The following DTX1 variants were observed in gnomAD, a reference collection of about 807,000 sequenced individuals.
The protein encoded by DTX1 is E3 ubiquitin-protein ligase DTX1.
Under a neutral mutation model 57.8 loss-of-function variants are expected in DTX1, and 26 were observed. That is an observed-to-expected ratio of 0.45 (90% confidence interval 0.33 to 0.62). DTX1 has a LOEUF of 0.62. Among genes scored for constraint, DTX1 ranks in the 20% least tolerant of loss-of-function variants. DTX1 has a pLI of 0.02. For missense variants in DTX1, 704 were observed against 895.3 expected (o/e 0.79, Z 2.73); for synonymous variants, 398 against 394.1 (o/e 1.01, Z -0.12).
chr12:113,083,554 G>A (rs989928683), intron 3 of DTX1, among the ~76,000 whole-genome samples: 4 of 152,230 alleles, frequency 2.6e-5, no homozygotes, highest in Non-Finnish European at 5.9e-5. Flanking sequence ...TCGAACTCCT[G>A]ACCTCAAGTG....
At position 113,077,753 on chromosome 12, in the gene DTX1, G is replaced by A; in HGVS notation, c.589G>A (p.Gly197Ser). The A allele has an allele frequency of 6.5e-7, 1 of 1,530,616 alleles. No individual in the cohort carries two copies. The highest frequency in any genetic ancestry group is 1.4e-5 in the African/African-American group (1 of 72,676). The allele number at this position is 1,530,616 out of a possible 1,614,324, so 94.8% of individuals were successfully genotyped here. ...SQSWPVGASS[G>S]QPCSCQQCLL... is the part of the protein sequence containing the mutation. Reference sequence around the variant, plus strand: ...GTCGTGGCCCGTGGGCGCCAGCTCGGGCCAGCCCTGCTCCTGCCAGCAGTG... The same window carrying A: ...GTCGTGGCCCGTGGGCGCCAGCTCGAGCCAGCCCTGCTCCTGCCAGCAGTG... Residue 197 changes from glycine (G) to serine (S), a missense_variant, in exon 3 of 10, where the codon GGC becomes AGC. Around this residue, in one of 3 missense-constraint regions of DTX1, gnomAD observed 237 missense variants for 328.6 expected, o/e 0.72. Coordinates refer to ENST00000548759, the MANE Select transcript of DTX1 (RefSeq NM_004416.3). This position sits in a 1 kb window ranked among gnomAD's most constrained non-coding sequence, Gnocchi z 7.8.
In DTX1 at chr12:113,071,806, C is replaced by T. The variant is rs112426107; in HGVS notation, c.260-5618C>T. On this transcript the variant is annotated intron_variant, in intron 2 of 9. Transcript: ENST00000548759. ...GGCAGGCGGGCAGCGGCGGGCGCTG[C>T]GGGGTGCAGGGCCCAGCGGGGAGGA... Among the ~76,000 whole-genome samples the T allele has an allele frequency of 9.9e-3, 1,501 of 152,362 alleles. 9 individuals carry two copies. The highest frequency in any genetic ancestry group is 0.013 in the Non-Finnish European group (879 of 68,030).
chr12:113,060,677 G>A (rs1357763975), intron 2 of DTX1, among the ~76,000 whole-genome samples: 2 of 152,236 alleles, frequency 1.3e-5, no homozygotes, highest in Non-Finnish European at 2.9e-5. Flanking sequence ...GATCCAGAGA[G>A]TAGAAGTCAT....
At chr12:113,066,416 T>C (rs2044703766) in intron 2 of DTX1, among the ~76,000 whole-genome samples, 1 of 151,690 alleles carries the variant, frequency 6.6e-6, no homozygotes, top group African/African-American at 2.4e-5. Context: ...TAATCCCAGC[T>C]ACTCGGGAGG....
At chr12:113,071,481 A>ACAG (rs1297334298) in intron 2 of DTX1, among the ~76,000 whole-genome samples, 1 of 152,202 alleles carries the variant, frequency 6.6e-6, no homozygotes, top group Non-Finnish European at 1.5e-5. Context: ...TGCCTGGGGG[A>ACAG]CGCAGACCCT....
At position 113,097,046 on chromosome 12, in the gene DTX1, C is replaced by A. The variant is rs901682405; in HGVS notation, c.*107C>A. The A allele has an allele frequency of 8.0e-7, 1 of 1,254,816 alleles. No homozygotes were observed. Among genetic ancestry groups the A allele is most frequent in the Non-Finnish European group, 1.1e-6 (1 of 926,396 alleles). 77.7% of individuals were successfully genotyped at this position (1,254,816 alleles called of 1,614,324 possible). On this transcript the variant is annotated 3_prime_UTR_variant, in exon 10 of 10. Transcript: ENST00000548759. ...AGGTTCAGGGCTGGGGAGGAGCCTG[C>A]GGAAGGGGCCGCAGCCATTCAGGGG...
intron 2 of DTX1, among the ~76,000 whole-genome samples, chr12:113,065,646 G>A (rs925569641): frequency 1.3e-5 from 2 of 152,296 alleles, no homozygotes; most frequent in African/African-American, 4.8e-5. Flanking sequence ...TGGGAAGCGT[G>A]GGGGCTGGAG....
At position 113,097,557 on chromosome 12, in the gene DTX1, C is replaced by G. The variant is rs1021096767; in HGVS notation, c.*618C>G. 9.8e-5 allele frequency: 15 copies of G among 152,340 alleles called. No individual in the cohort carries two copies. Among genetic ancestry groups the G allele is most frequent in the African/African-American group, 3.6e-4 (15 of 41,428 alleles). The allele number at this position is 152,340 out of a possible 1,614,324, so 9.4% of individuals were successfully genotyped here. ...CAGTTCTACAAAAGAATGGCCAGCACGAGCGGGGACTAGAGGGTCCTGATT... is the reference window on the plus strand; with the variant it reads ...CAGTTCTACAAAAGAATGGCCAGCAGGAGCGGGGACTAGAGGGTCCTGATT... On this transcript the variant is annotated 3_prime_UTR_variant, in exon 10 of 10. Transcript: ENST00000548759.
chr12:113,060,325 A>G (rs989233419), intron 2 of DTX1, among the ~76,000 whole-genome samples: 4 of 152,144 alleles, frequency 2.6e-5, no homozygotes, highest in African/African-American at 9.7e-5. Context: ...GAGGACCTAC[A>G]CTGAAGGTCC....
chr12:113,079,554 G>A (rs1288767690), intron 3 of DTX1, among the ~76,000 whole-genome samples: 1 of 101,768 alleles, frequency 9.8e-6, no homozygotes, highest in Admixed American at 1.5e-4. Flanking sequence ...TTGAGATACA[G>A]TTTCACTCTG....
At chr12:113,073,010 C>A (rs1258562505) in intron 2 of DTX1, among the ~76,000 whole-genome samples, 1 of 152,024 alleles carries the variant, frequency 6.6e-6, no homozygotes, top group Non-Finnish European at 1.5e-5. Context: ...CCTGGCTCGA[C>A]CCGAGAGACT....
chr12:113,061,872 A>AT (rs113289700), intron 2 of DTX1, among the ~76,000 whole-genome samples: 11,016 of 151,726 alleles, frequency 0.073, 699 homozygotes, highest in African/African-American at 0.17. Context: ...CACCCGGCTA[A>AT]TTTTTGTATT....
intron 6 of DTX1, among the ~76,000 whole-genome samples, chr12:113,094,372 G>A (rs1950270244): frequency 6.6e-6 from 1 of 152,098 alleles, no homozygotes; most frequent in African/African-American, 2.4e-5. Context: ...ATTCACCTGG[G>A]GGGTGGTGAG....
intron 2 of DTX1, among the ~76,000 whole-genome samples, chr12:113,073,062 G>A (rs1010933041): frequency 2.0e-5 from 3 of 151,990 alleles, no homozygotes; most frequent in Admixed American, 6.6e-5. Context: ...CTCCTATCCC[G>A]GCCCCTCCCC....
At chr12:113,062,460 T>C (rs1334233144) in intron 2 of DTX1, among the ~76,000 whole-genome samples, 1 of 152,204 alleles carries the variant, frequency 6.6e-6, no homozygotes, top group Non-Finnish European at 1.5e-5. Flanking sequence ...CCCCCAACCA[T>C]TTAAAAATGT....
chr12:113,059,571 C>T (rs1008259017), intron 2 of DTX1, among the ~76,000 whole-genome samples: 2 of 152,036 alleles, frequency 1.3e-5, no homozygotes, highest in African/African-American at 4.8e-5. Context: ...TGAGTCATTG[C>T]CCGGTGGTAT....
At chr12:113,066,147 G>A (rs2044702445) in intron 2 of DTX1, among the ~76,000 whole-genome samples, 1 of 152,176 alleles carries the variant, frequency 6.6e-6, no homozygotes, top group South Asian at 2.1e-4. Flanking sequence ...GAGGACATGG[G>A]GCCTGGAACC....
At position 113,094,938 on chromosome 12, in the gene DTX1, T is replaced by A. The variant is rs1379932960; in HGVS notation, c.1377T>A (p.Asn459Lys). 2 of 1,612,738 alleles carry A rather than the reference T, an allele frequency of 1.2e-6. No individual in the cohort carries two copies. The highest frequency in any genetic ancestry group is 1.7e-6 in the Non-Finnish European group (2 of 1,179,304). ...TGTGCCTCGTGGCCATGTACTCCAATGGCAACAAGGTGGGTTGGGCGGGAC... is the reference window on the plus strand; with the variant it reads ...TGTGCCTCGTGGCCATGTACTCCAAAGGCAACAAGGTGGGTTGGGCGGGAC... ...HLLCLVAMYS[N>K]GNKDGSLQCP... The change falls in exon 7 of 10, where the codon AAT becomes AAA. Residue 459 changes from asparagine to lysine, a missense_variant. This residue lies in a region of DTX1 where 168 missense variants were observed against 255.6 expected (regional missense o/e 0.66). Coordinates refer to ENST00000548759, the MANE Select transcript of DTX1 (RefSeq NM_004416.3).
chr12:113,084,329 G>A (rs1178113697), intron 3 of DTX1, among the ~76,000 whole-genome samples: 2 of 152,212 alleles, frequency 1.3e-5, no homozygotes, highest in East Asian at 3.9e-4. Flanking sequence ...GACAGTGATA[G>A]CTGCGGGCCT....
Sources: gnomAD v4.1 joint callset for allele counts (sites outside exome capture counted in the v4.1 genomes callset) on GRCh38, gnomAD v4.1.1 for gene constraint, gnomAD v4.1.1 regional missense constraint, Gnocchi (gnomAD v3.1) non-coding constraint, MANE v1.5 for transcripts, NCBI Gene and HGNC (gene_info 2026-07-23, HGNC 2026-07-21) for gene names.